The following JMJD1C variants were observed in gnomAD, a reference collection of about 807,000 sequenced individuals.
JMJD1C encodes jumonji domain containing 1C, also known as jumonji domain-containing protein 1C.
A neutral mutation model predicts 245.3 loss-of-function variants in JMJD1C; 31 were observed. The ratio of observed to expected loss-of-function variants is 0.13; its 90% CI spans 0.09 to 0.17. JMJD1C has a LOEUF of 0.17. Ranked by LOEUF, JMJD1C falls within the 10% of genes least tolerant of loss-of-function variation. JMJD1C has a pLI of 1.00. For missense variants in JMJD1C, 2,691 were observed against 3,000.2 expected (o/e 0.90, Z 2.41); for synonymous variants, 1,057 against 1,017.4 (o/e 1.04, Z -0.74).
intron 1 of JMJD1C, among the ~76,000 whole-genome samples, chr10:63,482,690 T>G (rs1223530099): frequency 3.9e-5 from 6 of 152,180 alleles, no homozygotes; most frequent in Non-Finnish European, 8.8e-5. Flanking sequence ...CTACATTGCC[T>G]GACTTCTAAT....
At chr10:63,501,227 C>T (rs1192469780) in intron 1 of JMJD1C, among the ~76,000 whole-genome samples, 1 of 152,044 alleles carries the variant, frequency 6.6e-6, no homozygotes, top group African/African-American at 2.4e-5. Flanking sequence ...ATAGAGTTTA[C>T]AATACTTTAG....
At chr10:63,232,707 T>C (rs1018988416) in intron 3 of JMJD1C, among the ~76,000 whole-genome samples, 2 of 152,172 alleles carry the variant, frequency 1.3e-5, no homozygotes, top group African/African-American at 2.4e-5. Flanking sequence ...GAAGTATATG[T>C]CATGAGAAAT....
intron 1 of JMJD1C, among the ~76,000 whole-genome samples, chr10:63,431,912 T>C (rs1950777587): frequency 6.6e-6 from 1 of 152,170 alleles, no homozygotes; most frequent in Admixed American, 6.5e-5. Context: ...ATCGGGAGGC[T>C]GAGGCAGGAC....
intron 2 of JMJD1C, among the ~76,000 whole-genome samples, chr10:63,359,368 T>C (rs1005029495): frequency 6.6e-6 from 1 of 152,254 alleles, no homozygotes; most frequent in Admixed American, 6.5e-5. Flanking sequence ...ACAGAGAATT[T>C]ATCCTACTAA....
At chr10:63,276,576 T>G (rs1856797049) in intron 2 of JMJD1C, among the ~76,000 whole-genome samples, 1 of 151,740 alleles carries the variant, frequency 6.6e-6, no homozygotes, top group South Asian at 2.1e-4. Flanking sequence ...TCCCAGCTAC[T>G]CAGGAGGCTG....
In JMJD1C at chr10:63,179,035, CCT is replaced by C. The variant is rs749763385; in HGVS notation, c.7085-1181_7085-1180del. Among the ~76,000 whole-genome samples, 20 of 152,238 alleles carry C rather than the reference CCT, an allele frequency of 1.3e-4. No individual in the cohort carries two copies. In the East Asian group the frequency reaches 1.9e-3, roughly 15 times the overall value. ...ACTAAATAATTTCTCATTACCCACC[CCT>C]GTTAACCACCATCCTCTGAATCTCC... On this transcript the variant is annotated intron_variant, in intron 22 of 25. Coordinates refer to ENST00000399262, the MANE Select transcript of JMJD1C (RefSeq NM_032776.3).
chr10:63,263,952 AT>A (rs372035327), intron 3 of JMJD1C, among the ~76,000 whole-genome samples: 19 of 86,614 alleles, frequency 2.2e-4, no homozygotes, highest in African/African-American at 3.8e-4. Flanking sequence ...AAAAAAAAAA[AT>A]ACACATACAC....
At chr10:63,362,942 T>C (rs1945516266) in intron 2 of JMJD1C, among the ~76,000 whole-genome samples, 1 of 152,150 alleles carries the variant, frequency 6.6e-6, no homozygotes, top group Admixed American at 6.6e-5. Flanking sequence ...AGGGCACTTA[T>C]TACCAGTATT....
In JMJD1C at chr10:63,455,242, G is replaced by A. The variant is rs138482564; in HGVS notation, c.168+10253C>T. 1.9e-3 allele frequency among the ~76,000 whole-genome samples: 284 copies of A among 152,160 alleles called. 1 individual carries two copies. Among genetic ancestry groups the A allele is most frequent in the African/African-American group, 6.6e-3 (275 of 41,526 alleles). ...CAGTCAAAAAAGTTAATAAATTTTA[G>A]TACAGATTTTTGTCCTATACTCCAT... On this transcript the variant is annotated intron_variant, in intron 1 of 25. Transcript: ENST00000399262.
intron 3 of JMJD1C, among the ~76,000 whole-genome samples, chr10:63,241,149 A>T (rs1851436446): frequency 6.6e-6 from 1 of 152,236 alleles, no homozygotes; most frequent in South Asian, 2.1e-4. Flanking sequence ...TAGGGGCAAA[A>T]TAATACAGTG....
intron 1 of JMJD1C, among the ~76,000 whole-genome samples, chr10:63,384,503 T>A (rs1402211144): frequency 6.6e-6 from 1 of 152,216 alleles, no homozygotes; most frequent in Non-Finnish European, 1.5e-5. Context: ...CCTTGAGAGC[T>A]CTTGGGTGAC....
chr10:63,385,119 G>T (rs546438544), intron 1 of JMJD1C, among the ~76,000 whole-genome samples: 1 of 152,094 alleles, frequency 6.6e-6, no homozygotes, highest in African/African-American at 2.4e-5. Flanking sequence ...AAAGAGACAG[G>T]GGAATGGCTG....
intron 1 of JMJD1C, among the ~76,000 whole-genome samples, chr10:63,521,175 G>A (rs1473726151): frequency 6.6e-6 from 1 of 152,138 alleles, no homozygotes; most frequent in Non-Finnish European, 1.5e-5. Context: ...CAGGGGCCAA[G>A]GCCGCGGCAG....
intron 2 of JMJD1C, among the ~76,000 whole-genome samples, chr10:63,290,490 G>A (rs1451282030): frequency 1.3e-5 from 2 of 152,126 alleles, no homozygotes; most frequent in Admixed American, 1.3e-4. Context: ...GAACCCAGGA[G>A]GCGGAGGTTG....
intron 24 of JMJD1C, among the ~76,000 whole-genome samples, chr10:63,173,457 C>T (rs1842581473): frequency 6.6e-6 from 1 of 152,214 alleles, no homozygotes; most frequent in African/African-American, 2.4e-5. Flanking sequence ...TGGGTTGGCT[C>T]ATGCCTACAA....
At chr10:63,477,656 A>C (rs190277716) in intron 1 of JMJD1C, among the ~76,000 whole-genome samples, 3 of 152,222 alleles carry the variant, frequency 2.0e-5, no homozygotes, top group Admixed American at 2.0e-4. Flanking sequence ...ATAAAGCTAA[A>C]AAACTTTCAG....
chr10:63,257,000 C>T (rs552996479), intron 3 of JMJD1C, among the ~76,000 whole-genome samples: 35 of 151,968 alleles, frequency 2.3e-4, no homozygotes, highest in African/African-American at 7.2e-4. Flanking sequence ...GTTGGGAGGC[C>T]GAGGTGGGAG....
At chr10:63,398,816 T>C (rs557615068) in intron 1 of JMJD1C, among the ~76,000 whole-genome samples, 1 of 152,274 alleles carries the variant, frequency 6.6e-6, no homozygotes, top group South Asian at 2.1e-4. Context: ...AGCTAATTTT[T>C]GTATTTTTAG....
chr10:63,446,433 T>C (rs569140775), intron 1 of JMJD1C, among the ~76,000 whole-genome samples: 118 of 152,184 alleles, frequency 7.8e-4, no homozygotes, highest in African/African-American at 2.7e-3. Flanking sequence ...GAGTCTGAGA[T>C]TTAGGGGAGA....
Sources: gnomAD v4.1 joint callset for allele counts (sites outside exome capture counted in the v4.1 genomes callset) on GRCh38, gnomAD v4.1.1 for gene constraint, MANE v1.5 for transcripts, NCBI Gene and HGNC (gene_info 2026-07-23, HGNC 2026-07-21) for gene names.